Variants in PDE10A observed in about 807,000 individuals in gnomAD.
PDE10A encodes the protein phosphodiesterase 10A, also known as cAMP and cAMP-inhibited cGMP 3',5'-cyclic phosphodiesterase 10A.
PDE10A carries 39 observed loss-of-function variants against 97.7 expected under a neutral mutation model. That is an observed-to-expected ratio of 0.40 (90% CI 0.31 to 0.52). The LOEUF (loss-of-function observed/expected upper bound fraction) is 0.52, where lower values mean the gene tolerates loss of function less well. Ranked by LOEUF, PDE10A falls within the 20% of genes least tolerant of loss-of-function variation. The probability of loss-of-function intolerance (pLI) is 0.56; values close to 1 mark genes in which losing one functional copy is unlikely to be tolerated. For synonymous variants in PDE10A, 371 were observed against 376.8 expected (o/e 0.98, Z 0.18); for missense variants, 731 against 1,047.8 (o/e 0.70, Z 4.17).
At chr6:165,428,214 T>C (rs1789302370) in intron 10 of PDE10A, among the ~76,000 whole-genome samples, 1 of 152,056 alleles carries the variant, frequency 6.6e-6, no homozygotes, top group Non-Finnish European at 1.5e-5. Context: ...CTAAAAGTAC[T>C]CAGTAGCATA....
chr6:165,598,905 T>C (rs527593999), intron 1 of PDE10A, among the ~76,000 whole-genome samples: 3 of 152,286 alleles, frequency 2.0e-5, no homozygotes, highest in East Asian at 1.9e-4. Flanking sequence ...TCAGGACTTC[T>C]AGCTCCCTGT....
intron 1 of PDE10A, among the ~76,000 whole-genome samples, chr6:165,724,793 T>C (rs1043277652): frequency 1.3e-5 from 2 of 152,206 alleles, no homozygotes; most frequent in Non-Finnish European, 2.9e-5. Context: ...GGTGAAACGT[T>C]TGGGAGTCGA....
At chr6:165,887,135 A>G (rs1781650928) in intron 1 of PDE10A, among the ~76,000 whole-genome samples, 1 of 152,242 alleles carries the variant, frequency 6.6e-6, no homozygotes, top group Admixed American at 6.5e-5. Flanking sequence ...ACACAGCTGA[A>G]GAGACAATTA....
chr6:165,665,895 T>A (rs912859802), upstream of PDE10A, among the ~76,000 whole-genome samples: 2 of 152,246 alleles, frequency 1.3e-5, no homozygotes, highest in African/African-American at 2.4e-5. Context: ...CCAAACATTC[T>A]TCTATATGTT....
rs568023613 is a variant in PDE10A at position 165,881,875 on chromosome 6, A to G, written c.-615+105654T>C. ...TATTTTTTTCTCTTACTGTGGCAAA[A>G]AGACAAGTCACTTGAAAAAACATTG... On this transcript the variant is annotated intron_variant, in intron 1 of 19. Coordinates refer to the PDE10A transcript ENST00000366882. 9.7e-4 allele frequency among the ~76,000 whole-genome samples: 147 copies of G among 152,266 alleles called. 1 individual carries two copies. Among genetic ancestry groups the G allele is most frequent in the African/African-American group, 3.4e-3 (142 of 41,544 alleles).
intron 1 of PDE10A, among the ~76,000 whole-genome samples, chr6:165,598,792 A>T (rs1786757309): frequency 6.6e-6 from 1 of 152,180 alleles, no homozygotes; most frequent in South Asian, 2.1e-4. Flanking sequence ...AAATTAGGAA[A>T]ATTTTAAACT....
rs554596747 is a variant in PDE10A at position 165,501,529 on chromosome 6, C to T, written c.995-19186G>A. On this transcript the variant is annotated intron_variant, in intron 2 of 21. Transcript: ENST00000539869. ...TGGAGCTTGCAGTGAGCAGAGATCGCGCCACTGCACTCCAGCCTGGATGAA... is the reference window on the plus strand; with the variant it reads ...TGGAGCTTGCAGTGAGCAGAGATCGTGCCACTGCACTCCAGCCTGGATGAA... Among the ~76,000 whole-genome samples, 14 of 151,140 alleles carry T rather than the reference C, an allele frequency of 9.3e-5. No homozygotes were observed. The East Asian group carries it at 1.4e-3, about 15-fold the overall frequency.
intron 1 of PDE10A, among the ~76,000 whole-genome samples, chr6:165,549,012 C>T (rs1026778743): frequency 6.6e-6 from 1 of 152,130 alleles, no homozygotes; most frequent in African/African-American, 2.4e-5. Flanking sequence ...ATCTTGCAGC[C>T]AGGTGGAGCA....
chr6:165,855,345 T>A (rs1387555322), intron 1 of PDE10A, among the ~76,000 whole-genome samples: 5 of 144,078 alleles, frequency 3.5e-5, no homozygotes, highest in African/African-American at 1.1e-4. Context: ...CTCCTGTGGA[T>A]CACCTGGTAG....
At chr6:165,354,352 T>C (rs1361952239) in intron 18 of PDE10A, among the ~76,000 whole-genome samples, 1 of 152,118 alleles carries the variant, frequency 6.6e-6, no homozygotes, top group African/African-American at 2.4e-5. Flanking sequence ...TGGAGGCAAA[T>C]GTCCATTGGA....
rs970329127 is a variant in PDE10A, at chr6:165,881,191, T to A, written c.-615+106338A>T. Reference sequence around the variant, plus strand: ...TTTACTAAACCAGAACACCAGGCAATGCTTTGGCTAATAGGAATGGAAATG... The same window carrying A: ...TTTACTAAACCAGAACACCAGGCAAAGCTTTGGCTAATAGGAATGGAAATG... On this transcript the variant is annotated intron_variant, in intron 1 of 19. Coordinates refer to the PDE10A transcript ENST00000366882. Among the ~76,000 whole-genome samples, 3 of 152,186 alleles carry A rather than the reference T, an allele frequency of 2.0e-5. No individual in the cohort carries two copies. The East Asian group carries it at 5.8e-4, about 29-fold the overall frequency.
chr6:165,857,185 C>T (rs1780760114), intron 1 of PDE10A, among the ~76,000 whole-genome samples: 2 of 152,140 alleles, frequency 1.3e-5, no homozygotes, highest in Admixed American at 1.3e-4. Context: ...GTTGAGTTTG[C>T]CATCCCAGGA....
intron 1 of PDE10A, among the ~76,000 whole-genome samples, chr6:165,966,898 T>C (rs1562332558): frequency 6.6e-6 from 1 of 150,754 alleles, no homozygotes; most frequent in Non-Finnish European, 1.5e-5. Flanking sequence ...AATAAATAGA[T>C]GAAAAAATCT....
Position 165,590,252 on chromosome 6 carries a change from A to G in PDE10A, c.866-46684T>C, listed in dbSNP as rs1039011956. Among the ~76,000 whole-genome samples, 7 of 152,362 alleles carry G rather than the reference A, an allele frequency of 4.6e-5. No individual in the cohort carries two copies. In the South Asian group the frequency reaches 1.0e-3, roughly 23 times the overall value. The stretch of plus-strand genomic sequence containing the variant: ...TTGGGTAGTCACATGTGTTTTTCAC[A>G]AAAATTCTATATGGTAAGAATTAGT... On this transcript the variant is annotated intron_variant, in intron 1 of 21. Transcript: ENST00000539869.
At chr6:165,772,185 G>T (rs1778031675) in intron 1 of PDE10A, among the ~76,000 whole-genome samples, 1 of 152,160 alleles carries the variant, frequency 6.6e-6, no homozygotes, top group South Asian at 2.1e-4. Context: ...AAAGCATTGT[G>T]TTTTTGAAGA....
At chr6:165,816,164 T>C (rs1401179213) in intron 1 of PDE10A, among the ~76,000 whole-genome samples, 1 of 152,126 alleles carries the variant, frequency 6.6e-6, no homozygotes, top group East Asian at 1.9e-4. Flanking sequence ...TTAGCCAGGA[T>C]GCTCTCAATC....
At chr6:165,969,308 A>T (rs879310118) in intron 1 of PDE10A, among the ~76,000 whole-genome samples, 1 of 152,098 alleles carries the variant, frequency 6.6e-6, no homozygotes, top group Non-Finnish European at 1.5e-5. Flanking sequence ...AAGATAGAGG[A>T]GGAGGGTGGT....
intron 1 of PDE10A, among the ~76,000 whole-genome samples, chr6:165,547,111 ATACAGACAAC>A (rs1227987112): frequency 6.6e-6 from 1 of 152,164 alleles, no homozygotes; most frequent in Admixed American, 6.5e-5. Flanking sequence ...AGACAGACAA[ATACAGACAAC>A]TATTCCAAAG....
chr6:165,569,711 T>C (rs574246269), intron 1 of PDE10A, among the ~76,000 whole-genome samples: 14 of 152,188 alleles, frequency 9.2e-5, no homozygotes, highest in Non-Finnish European at 2.1e-4. Flanking sequence ...CAAGGAAGAA[T>C]GCTTCACAGG....
Sources: allele counts gnomAD v4.1 joint callset (sites outside exome capture counted in the v4.1 genomes callset), GRCh38; gene constraint gnomAD v4.1.1; transcripts MANE v1.5; gene names NCBI Gene and HGNC (gene_info 2026-07-23, HGNC 2026-07-21).